The following PLAAT3 variants were observed in gnomAD, a reference collection of about 807,000 sequenced individuals.
The protein encoded by PLAAT3 is phospholipase A and acyltransferase 3.
Under a neutral mutation model 16.7 loss-of-function variants are expected in PLAAT3, and 21 were observed. The observed-to-expected ratio is 1.26, with a 90% confidence interval of 0.89 to 1.81. The LOEUF is 1.81. Ranked by LOEUF, PLAAT3 falls within the 40% of genes most tolerant of loss-of-function variation. The pLI, the probability that PLAAT3 is intolerant of heterozygous loss-of-function variation, is 0.00. For missense variants in PLAAT3, 219 were observed against 213.7 expected, an observed-to-expected ratio of 1.02 and a Z score of -0.16; for synonymous variants, 76 against 81.7, an observed-to-expected ratio of 0.93 and a Z score of 0.38.
chr11:63,585,517 T>C (rs912224603), intron 4 of PLAAT3, among the ~76,000 whole-genome samples: 5 of 152,076 alleles, frequency 3.3e-5, no homozygotes, highest in African/African-American at 1.2e-4. Context: ...CATCCTACAG[T>C]GCACAGGACA....
intron 2 of PLAAT3, among the ~76,000 whole-genome samples, chr11:63,604,645 C>T (rs547090455): frequency 9.9e-5 from 15 of 152,066 alleles, no homozygotes; most frequent in African/African-American, 3.1e-4. Context: ...TGCCTGTAGT[C>T]CCAGCTACTC....
chr11:63,586,156 A>T (rs1214479422), intron 4 of PLAAT3, among the ~76,000 whole-genome samples: 1 of 151,852 alleles, frequency 6.6e-6, no homozygotes, highest in Non-Finnish European at 1.5e-5. Flanking sequence ...GTGTTTGAGA[A>T]GGAGTCTCGC....
chr11:63,614,138 G>C, intron 1 of PLAAT3, 70 bp from the exon 2 acceptor site: 3 of 1,335,822 alleles, frequency 2.2e-6, no homozygotes, highest in Non-Finnish European at 3.2e-6. Flanking sequence ...ACGGGACTGC[G>C]GCTTCTGTTG....
At chr11:63,615,130 A>ATGTG (rs1349807181), upstream of PLAAT3, among the ~76,000 whole-genome samples, 34 of 61,538 alleles carry the variant, frequency 5.5e-4, 2 homozygotes, top group African/African-American at 1.8e-3. Flanking sequence ...GTGTGTATAT[A>ATGTG]TGTATATGTG....
chr11:63,576,804 C>T (rs2017668750), intron 4 of PLAAT3, among the ~76,000 whole-genome samples: 1 of 152,064 alleles, frequency 6.6e-6, no homozygotes, highest in Non-Finnish European at 1.5e-5. Context: ...AAAATAATTT[C>T]CTGATAGTAA....
intron 3 of PLAAT3, 71 bp from the exon 4 acceptor site, chr11:63,590,439 C>A: frequency 7.0e-7 from 1 of 1,431,620 alleles, no homozygotes; most frequent in South Asian, 1.2e-5. Flanking sequence ...AGCTGGCCCC[C>A]AGCCGGGCAT....
chr11:63,586,450 C>T (rs897040612), intron 4 of PLAAT3, among the ~76,000 whole-genome samples: 1 of 152,166 alleles, frequency 6.6e-6, no homozygotes, highest in African/African-American at 2.4e-5. Context: ...GTTCTTTATT[C>T]TGTTAATAAC....
At chr11:63,599,060 C>T (rs1205809608) in intron 2 of PLAAT3, among the ~76,000 whole-genome samples, 2 of 152,194 alleles carry the variant, frequency 1.3e-5, no homozygotes, top group African/African-American at 4.8e-5. Context: ...GCATTAACCA[C>T]ATCCCAGAAT....
intron 3 of PLAAT3, among the ~76,000 whole-genome samples, chr11:63,597,285 G>A (rs1938312727): frequency 6.6e-6 from 1 of 152,176 alleles, no homozygotes; most frequent in Admixed American, 6.5e-5. Context: ...AGCATTTTGG[G>A]AGGCTGAGGC....
rs115369558 is a variant in PLAAT3 at position 63,593,706 on chromosome 11, A to G, written c.119-3338T>C. Among the ~76,000 whole-genome samples, 502 of 151,730 alleles carry G rather than the reference A, an allele frequency of 3.3e-3. 3 individuals carry two copies. Among genetic ancestry groups the G allele is most frequent in the African/African-American group, 0.012 (479 of 41,432 alleles). ...CCTCCTGCTCGTGCCTCAGCCTCCA[A>G]GTAGATAGGACTACAGTGGCGCGTC... On this transcript the variant is annotated intron_variant, in intron 3 of 4. Transcript: ENST00000415826.
chr11:63,594,223 T>C (rs1199802866), intron 3 of PLAAT3, among the ~76,000 whole-genome samples: 1 of 152,008 alleles, frequency 6.6e-6, no homozygotes, highest in African/African-American at 2.4e-5. Context: ...CCAAGTGGAG[T>C]TACCAAGTAG....
chr11:63,579,199 C>T (rs1418185873), intron 4 of PLAAT3, among the ~76,000 whole-genome samples: 6 of 152,160 alleles, frequency 3.9e-5, no homozygotes, highest in South Asian at 2.1e-4. Flanking sequence ...GTTAGAATGG[C>T]GATCATTAAA....
upstream of PLAAT3, among the ~76,000 whole-genome samples, chr11:63,615,136 A>ATATGTG (rs1555047885): frequency 2.3e-4 from 1 of 4,416 alleles, no homozygotes; most frequent in Non-Finnish European, 1.8e-3. Context: ...ATATATGTAT[A>ATATGTG]TGTGTATATG....
chr11:63,577,106 C>A (rs1352689649), intron 4 of PLAAT3, among the ~76,000 whole-genome samples: 2 of 151,122 alleles, frequency 1.3e-5, no homozygotes, highest in Non-Finnish European at 2.9e-5. Context: ...TTTTAGTTTA[C>A]ACTAAGTAAT....
intron 4 of PLAAT3, among the ~76,000 whole-genome samples, chr11:63,578,190 G>A (rs1037576178): frequency 2.6e-5 from 4 of 151,982 alleles, no homozygotes; most frequent in African/African-American, 4.8e-5. Context: ...GACTGAGGCT[G>A]AAGAATTCCT....
intron 1 of PLAAT3, 148 bp from the exon 2 acceptor site, chr11:63,614,216 G>T: frequency 1.5e-6 from 1 of 653,178 alleles, no homozygotes; most frequent in Non-Finnish European, 2.6e-6. Context: ...CAACTTTCTC[G>T]CCGGGGCCCG....
chr11:63,601,870 G>A (rs1020873485), intron 2 of PLAAT3, among the ~76,000 whole-genome samples: 3 of 151,874 alleles, frequency 2.0e-5, no homozygotes, highest in Non-Finnish European at 2.9e-5. Context: ...CCAGCTACTC[G>A]AGAGGCTGAG....
intron 3 of PLAAT3, among the ~76,000 whole-genome samples, chr11:63,597,729 C>T (rs924527631): frequency 1.3e-5 from 2 of 152,098 alleles, no homozygotes; most frequent in Admixed American, 6.6e-5. Context: ...GTAATACAAG[C>T]GATGGGGAGC....
intron 4 of PLAAT3, among the ~76,000 whole-genome samples, chr11:63,589,447 A>G (rs1938080340): frequency 6.6e-6 from 1 of 151,176 alleles, no homozygotes; most frequent in Admixed American, 6.6e-5. Flanking sequence ...AGTGGCTGAA[A>G]GGGAGGGGGA....
Sources: allele counts gnomAD v4.1 joint callset (sites outside exome capture counted in the v4.1 genomes callset), GRCh38; gene constraint gnomAD v4.1.1; transcripts MANE v1.5; gene names NCBI Gene and HGNC (gene_info 2026-07-23, HGNC 2026-07-21).